SMPDL3B: variants seen among roughly 807,000 people sequenced by gnomAD.
The protein encoded by SMPDL3B is acid sphingomyelinase-like phosphodiesterase 3b.
In SMPDL3B, 31 loss-of-function variants were observed where a neutral mutation model predicts 37.9. The ratio of observed to expected loss-of-function variants is 0.82; its 90% CI spans 0.61 to 1.10. The LOEUF is 1.10. Ranked by LOEUF, SMPDL3B falls within the 50% of genes least tolerant of loss-of-function variation. SMPDL3B has a pLI of 0.00. For synonymous variants in SMPDL3B, 235 were observed against 242.6 expected (o/e 0.97, Z 0.29); for missense variants, 525 against 597.8 (o/e 0.88, Z 1.27).
At chr1:27,952,760 G>T (rs1210612632) in intron 3 of SMPDL3B, among the ~76,000 whole-genome samples, 1 of 152,178 alleles carries the variant, frequency 6.6e-6, no homozygotes, top group African/African-American at 2.4e-5. Flanking sequence ...CTATGCATTG[G>T]CTCATAGTTG....
intron 3 of SMPDL3B, among the ~76,000 whole-genome samples, chr1:27,952,713 T>C (rs1407915562): frequency 6.6e-6 from 1 of 152,218 alleles, no homozygotes; most frequent in African/African-American, 2.4e-5. Flanking sequence ...CCTATTGAAC[T>C]GCAGGACCTC....
chr1:27,951,450 T>C (rs988984849), intron 3 of SMPDL3B, among the ~76,000 whole-genome samples: 1 of 152,214 alleles, frequency 6.6e-6, no homozygotes, highest in Non-Finnish European at 1.5e-5. Flanking sequence ...GTGTTCTTCC[T>C]GCTGTGTTCA....
In SMPDL3B at chr1:27,939,894, C is replaced by T. The variant is rs151305186; in HGVS notation, c.61+4650C>T. 4.4e-3 allele frequency among the ~76,000 whole-genome samples: 668 copies of T among 152,242 alleles called. 16 individuals carry two copies. Among genetic ancestry groups the T allele is most frequent in the East Asian group, 0.018 (93 of 5,190 alleles). On this transcript the variant is annotated intron_variant, in intron 1 of 7. Coordinates refer to ENST00000373894, the MANE Select transcript of SMPDL3B (RefSeq NM_014474.4). Reference sequence around the variant, plus strand: ...GCCTCAAGTGATCCTCCCACTTTGGCCTCCCAAAGCACTGGGATTACCGGT... The same window carrying T: ...GCCTCAAGTGATCCTCCCACTTTGGTCTCCCAAAGCACTGGGATTACCGGT...
intron 1 of SMPDL3B, among the ~76,000 whole-genome samples, chr1:27,944,852 A>T (rs1179200456): frequency 6.6e-6 from 1 of 151,956 alleles, no homozygotes; most frequent in Non-Finnish European, 1.5e-5. Flanking sequence ...AAAGTGACAT[A>T]GCCCAGGTCA....
intron 3 of SMPDL3B, among the ~76,000 whole-genome samples, chr1:27,951,504 A>T (rs1362286521): frequency 6.6e-6 from 1 of 152,206 alleles, no homozygotes; most frequent in African/African-American, 2.4e-5. Context: ...TCCTCACCTC[A>T]TCAGCACAGC....
chr1:27,937,042 A>C (rs2090315701), intron 1 of SMPDL3B, among the ~76,000 whole-genome samples: 1 of 149,752 alleles, frequency 6.7e-6, no homozygotes. Context: ...AAACAAACAA[A>C]CAACAACAAA....
chr1:27,935,319 C>G (rs1488727177), intron 1 of SMPDL3B, 75 bp downstream of exon 1: 3 of 1,181,150 alleles, frequency 2.5e-6, no homozygotes, highest in Middle Eastern at 1.9e-4. Context: ...CTGCTCGCAG[C>G]CAGCTTGAAG....
At chr1:27,956,298 C>G in intron 7 of SMPDL3B, 2 of 1,503,330 alleles carry the variant, frequency 1.3e-6, no homozygotes, top group Non-Finnish European at 1.8e-6. Context: ...CCCTGGATGA[C>G]TGTCACAGCT....
chr1:27,954,483 G>T lies in SMPDL3B; in HGVS notation c.647G>T (p.Trp216Leu). Residue 216 changes from tryptophan (W) to leucine (L), a missense_variant, in exon 5 of 8, where the codon TGG (tryptophan) becomes TTG (leucine). Physicochemically the swap from Trp to Leu is moderately conservative, Grantham distance 61 (BLOSUM62 -2). Coordinates refer to ENST00000373894, the MANE Select transcript of SMPDL3B (RefSeq NM_014474.4). The stretch of plus-strand genomic sequence containing the variant: ...GCGGACCCTGGCCAGCAGTTCCAGT[G>T]GCTGGAAGATGTGCTGACCGATGCA... ...DMADPGQQFQ[W>L]LEDVLTDASK... 2 of 1,614,044 alleles carry T rather than the reference G, an allele frequency of 1.2e-6. No homozygotes were observed. The highest frequency in any genetic ancestry group is 1.7e-6 in the Non-Finnish European group (2 of 1,180,020).
At chr1:27,953,827 A>G (rs1299925632) in intron 4 of SMPDL3B, among the ~76,000 whole-genome samples, 2 of 152,238 alleles carry the variant, frequency 1.3e-5, no homozygotes, top group African/African-American at 4.8e-5. Context: ...TGTCTCAGAC[A>G]TTGCCCAGTG....
chr1:27,957,204 T>C (rs1381837222), intron 7 of SMPDL3B, among the ~76,000 whole-genome samples: 1 of 151,612 alleles, frequency 6.6e-6, no homozygotes, highest in Non-Finnish European at 1.5e-5. Flanking sequence ...GTGAGGCCGT[T>C]TGGAGGGAAG....
chr1:27,955,486 C>G (rs972660914), intron 5 of SMPDL3B, among the ~76,000 whole-genome samples, 198 bp from the exon 6 acceptor site: 2 of 152,184 alleles, frequency 1.3e-5, no homozygotes, highest in East Asian at 3.9e-4. Context: ...GTGGCAGGCA[C>G]AGAGGTGGGA....
chr1:27,937,585 G>T (rs1396568806), intron 1 of SMPDL3B, among the ~76,000 whole-genome samples: 1 of 152,156 alleles, frequency 6.6e-6, no homozygotes, highest in East Asian at 1.9e-4. Context: ...GTGTGGTGTG[G>T]GTTATAGGCA....
chr1:27,955,799 T>A lies in SMPDL3B; in HGVS notation c.806T>A (p.Val269Asp). The change falls in exon 6 of 8, where the codon GTC (valine) becomes GAC (aspartate). Residue 269 changes from valine (V) to aspartate (D), a missense_variant. Physicochemically the swap from Val to Asp is radical, Grantham distance 152. Transcript: ENST00000373894. ...AAGGTGGTCCGGAAGCATCATCGCG[T>A]CATAGCAGGGCAGTTCTTCGGGCAC... ...YLKVVRKHHR[V>D]IAGQFFGHHH... 1.9e-6 allele frequency: 3 copies of A among 1,614,082 alleles called. No individual in the cohort carries two copies. In the East Asian group the frequency reaches 6.7e-5, roughly 36 times the overall value.
intron 1 of SMPDL3B, among the ~76,000 whole-genome samples, chr1:27,944,426 C>T (rs984877139): frequency 2.0e-5 from 3 of 152,114 alleles, no homozygotes; most frequent in South Asian, 2.1e-4. Flanking sequence ...ATGATCATGG[C>T]TCACTGCAGC....
intron 3 of SMPDL3B, among the ~76,000 whole-genome samples, chr1:27,950,006 C>T (rs1166874419): frequency 1.3e-5 from 2 of 152,298 alleles, no homozygotes; most frequent in South Asian, 2.1e-4. Flanking sequence ...TCACTGTCAC[C>T]ATAAGCCTTG....
chr1:27,942,567 C>T (rs1343831971), intron 1 of SMPDL3B, among the ~76,000 whole-genome samples: 4 of 152,230 alleles, frequency 2.6e-5, no homozygotes, highest in African/African-American at 9.7e-5. Flanking sequence ...CAACCTCCGC[C>T]TCCTGGGTTC....
At chr1:27,935,312 C>T in intron 1 of SMPDL3B, 68 bp downstream of exon 1, 2 of 1,236,704 alleles carry the variant, frequency 1.6e-6, no homozygotes, top group Non-Finnish European at 2.4e-6. Context: ...CGGGAAGCTG[C>T]TCGCAGCCAG....
rs964644766 is a variant in SMPDL3B at position 27,954,527 on chromosome 1, G to T, written c.690+1G>T. 1.3e-5 allele frequency: 21 copies of T among 1,613,290 alleles called. No homozygotes were observed. Among genetic ancestry groups the T allele is most frequent in the Admixed American group, 6.7e-5 (4 of 59,954 alleles). ...CGATGCATCCAAAGCTGGGGACATG[G>T]TAAGAGGCCCTGCTTCTTTCTTTTC... On this transcript the variant is annotated splice_donor_variant, in intron 5 of 7. Transcript: ENST00000373894. LOFTEE classifies it high-confidence loss of function.
Sources: allele counts gnomAD v4.1 joint callset (sites outside exome capture counted in the v4.1 genomes callset), GRCh38; gene constraint gnomAD v4.1.1; transcripts MANE v1.5; gene names NCBI Gene and HGNC (gene_info 2026-07-23, HGNC 2026-07-21).